CCDC186: variants seen among roughly 807,000 people sequenced by gnomAD.
The protein encoded by CCDC186 is coiled-coil domain-containing protein 186.
CCDC186 carries 49 observed loss-of-function variants against 113.7 expected under a neutral mutation model. The observed-to-expected ratio is 0.43, with a 90% CI of 0.34 to 0.55. CCDC186 has a LOEUF of 0.55. Ranked by LOEUF, CCDC186 falls within the 20% of genes least tolerant of loss-of-function variation. The probability of loss-of-function intolerance (pLI) is 0.02; values close to 1 mark genes in which losing one functional copy is unlikely to be tolerated. For missense variants in CCDC186, 890 were observed against 1,011.1 expected, an observed-to-expected ratio of 0.88 and a Z score of 1.62; for synonymous variants, 355 against 345.8, an observed-to-expected ratio of 1.03 and a Z score of -0.30.
intron 6 of CCDC186, among the ~76,000 whole-genome samples, chr10:114,139,434 A>G (rs1388663873): frequency 2.0e-5 from 3 of 151,946 alleles, no homozygotes; most frequent in Admixed American, 6.6e-5. Flanking sequence ...GTGGTGGTGC[A>G]TGCCTCTAAT....
chr10:114,164,112 A>ATT lies in CCDC186; in HGVS notation c.-61-784_-61-783insAA, dbSNP rs1383372775. On this transcript the variant is annotated intron_variant, in intron 1 of 15. Transcript: ENST00000369287. ...TGTGTGTGTGTGTGTGTATATATAT[A>ATT]TATTTTTTTTTTTTTTTTTTTTTTT... Among the ~76,000 whole-genome samples the ATT allele has an allele frequency of 4.1e-3, 423 of 103,358 alleles. 20 individuals are homozygous for ATT. Among genetic ancestry groups the ATT allele is most frequent in the African/African-American group, 0.011 (264 of 25,074 alleles). The allele number at this position is 103,358 out of a possible 152,430, so 67.8% of individuals were successfully genotyped here.
At chr10:114,144,886 C>T (rs181967947) in intron 5 of CCDC186, among the ~76,000 whole-genome samples, 5 of 152,180 alleles carry the variant, frequency 3.3e-5, no homozygotes, top group East Asian at 3.9e-4. Flanking sequence ...TCTTAACTGG[C>T]TGGCATTAAG....
At chr10:114,136,015 T>C (rs764098213) in intron 8 of CCDC186, 38 bp from the exon 9 acceptor site, 10 of 1,562,494 alleles carry the variant, frequency 6.4e-6, no homozygotes, top group Admixed American at 1.7e-5. Flanking sequence ...AATCATAATG[T>C]GCTAAACTAT....
intron 1 of CCDC186, among the ~76,000 whole-genome samples, chr10:114,170,674 A>G: frequency 6.6e-6 from 1 of 152,170 alleles, no homozygotes. Context: ...TTAGAATAAA[A>G]AAGTTTCCTT....
chr10:114,159,931 C>G (rs888086281), intron 2 of CCDC186, among the ~76,000 whole-genome samples: 1 of 152,072 alleles, frequency 6.6e-6, no homozygotes, highest in East Asian at 1.9e-4. Flanking sequence ...CCACTACACT[C>G]CAGCTTGGGC....
chr10:114,131,423 T>G lies in CCDC186; in HGVS notation c.1912-87A>C, dbSNP rs115582124. ...TTTATATAACCTTAACAATCTAAGG[T>G]TCTTGACAGTGGAGATTCTTCTATT... On this transcript the variant is annotated intron_variant, in intron 11 of 15. Coordinates refer to ENST00000369287, the MANE Select transcript of CCDC186 (RefSeq NM_018017.4). 5.6e-4 allele frequency: 632 copies of G among 1,131,806 alleles called. 1 individual carries two copies. In the African/African-American group the frequency reaches 9.0e-3, roughly 16 times the overall value. The allele number at this position is 1,131,806 out of a possible 1,614,324, so 70.1% of individuals were successfully genotyped here. A position where few individuals can be genotyped will look rare whatever the true frequency, so the allele number is the denominator to read the frequency against.
chr10:114,129,200 GC>G (rs2031006756), intron 13 of CCDC186, among the ~76,000 whole-genome samples: 1 of 152,040 alleles, frequency 6.6e-6, no homozygotes, highest in Admixed American at 6.6e-5. Flanking sequence ...GGTGGCAAGT[GC>G]CTATAGTTCC....
In CCDC186 at chr10:114,126,020, G is replaced by A. The variant is rs146536805; in HGVS notation, c.2479C>T (p.Arg827Trp). Residue 827 changes from arginine to tryptophan, a missense_variant, in exon 15 of 16, where the codon CGG becomes TGG. By Grantham distance (101) the Arg-to-Trp change is moderately radical. Coordinates refer to ENST00000369287, the MANE Select transcript of CCDC186 (RefSeq NM_018017.4). ...SDFNKVHLSRRGGIMASLYTS... is the reference protein window; with the variant it reads ...SDFNKVHLSRWGGIMASLYTS... ...TATAAAGATGCCATGATGCCACCCC[G>A]TCTACTTAAATGAACTTTGTTAAAA... 508 of 1,613,844 alleles carry A rather than the reference G, an allele frequency of 3.1e-4. 1 individual carries two copies. The East Asian group carries it at 6.2e-3, about 20-fold the overall frequency.
In CCDC186 at chr10:114,130,022, T is replaced by C. The variant is rs559314429; in HGVS notation, c.2102-51A>G. ...CACAATTATCAGGACCATTTGCTCCTACCATCTCTGACTTTAATTGCTAAA... is the reference window on the plus strand; with the variant it reads ...CACAATTATCAGGACCATTTGCTCCCACCATCTCTGACTTTAATTGCTAAA... On this transcript the variant is annotated intron_variant, in intron 12 of 15. Transcript: ENST00000369287. 14 of 1,545,820 alleles carry C rather than the reference T, an allele frequency of 9.1e-6. No individual in the cohort carries two copies. In the East Asian group the frequency reaches 3.0e-4, roughly 33 times the overall value.
At chr10:114,159,712 T>C (rs547840385) in intron 2 of CCDC186, among the ~76,000 whole-genome samples, 2 of 151,460 alleles carry the variant, frequency 1.3e-5, no homozygotes, top group African/African-American at 4.9e-5. Flanking sequence ...CCTGGCACTT[T>C]GGGAGGCCAG....
Position 114,127,538 on chromosome 10 carries a change from A to G in CCDC186, c.2316T>C (p.His772=), listed in dbSNP as rs201662734. The change falls in exon 14 of 16, where the codon CAT becomes CAC. Residue 772 remains histidine, a synonymous_variant. Coordinates refer to ENST00000369287, the MANE Select transcript of CCDC186 (RefSeq NM_018017.4). ...ATTCTATCTTTTCATTTTTCCGGGC[A>G]TGTGCTTTTTGCAGCCTAACTATTC... The part of the protein sequence containing the change: ...IERIVRLQKA[H]ARKNEKIEFM... 2.5e-6 allele frequency: 4 copies of G among 1,613,962 alleles called. No homozygotes were observed. The Admixed American group carries it at 5.0e-5, about 20-fold the overall frequency.
intron 4 of CCDC186, among the ~76,000 whole-genome samples, chr10:114,149,227 T>C (rs181077414): frequency 2.0e-5 from 3 of 152,050 alleles, no homozygotes; most frequent in Admixed American, 1.3e-4. Flanking sequence ...AGTCAGTACA[T>C]CAGCTACTAT....
At position 114,122,404 on chromosome 10, in the gene CCDC186, A is replaced by G. The variant is rs2030755001; in HGVS notation, c.*2739T>C. 1 of 152,224 alleles carries G rather than the reference A, an allele frequency of 6.6e-6. No individual in the cohort carries two copies. Among genetic ancestry groups the G allele is most frequent in the South Asian group, 2.1e-4 (1 of 4,830 alleles). The allele number at this position is 152,224 out of a possible 1,614,324, so 9.4% of individuals were successfully genotyped here. A position where few individuals can be genotyped will look rare whatever the true frequency, so the allele number is the denominator to read the frequency against. ...CAGTCCTTAAAACTAAACAGGCTAA[A>G]GTCTGAAGTGGTATGGGGAAAATGG... On this transcript the variant is annotated 3_prime_UTR_variant, in exon 16 of 16. Coordinates refer to ENST00000369287, the MANE Select transcript of CCDC186 (RefSeq NM_018017.4).
chr10:114,137,371 C>T, intron 6 of CCDC186, 81 bp from the exon 7 acceptor site: 2 of 888,558 alleles, frequency 2.3e-6, no homozygotes, highest in Non-Finnish European at 3.7e-6. Flanking sequence ...TAGGAAGGTT[C>T]TTGTCCTAGC....
chr10:114,136,796 A>G (rs547322895), intron 7 of CCDC186, among the ~76,000 whole-genome samples: 5 of 152,348 alleles, frequency 3.3e-5, no homozygotes, highest in South Asian at 2.1e-4. Context: ...ATGCAGATGT[A>G]GAATATTGCA....
At chr10:114,132,425 AC>A (rs1412634245) in intron 10 of CCDC186, among the ~76,000 whole-genome samples, 3 of 152,228 alleles carry the variant, frequency 2.0e-5, no homozygotes, top group Non-Finnish European at 4.4e-5. Context: ...GTGTAAAAAA[AC>A]ATTTTTTATG....
rs1190928038 is a variant in CCDC186 at position 114,124,462 on chromosome 10, A to C, written c.*681T>G. On this transcript the variant is annotated 3_prime_UTR_variant, in exon 16 of 16. Coordinates refer to ENST00000369287, the MANE Select transcript of CCDC186 (RefSeq NM_018017.4). ...AATATGTAATTTAAAATCATATTTT[A>C]AGTAACTAAAAACTTTAAAAATTCA... 6.6e-6 allele frequency: 1 copy of C among 152,206 alleles called. No homozygotes were observed. The highest frequency in any genetic ancestry group is 1.9e-4 in the East Asian group (1 of 5,202). The allele number at this position is 152,206 out of a possible 1,614,324, so 9.4% of individuals were successfully genotyped here. A position where few individuals can be genotyped will look rare whatever the true frequency, so the allele number is the denominator to read the frequency against.
chr10:114,165,612 C>T (rs1310528793), intron 1 of CCDC186, among the ~76,000 whole-genome samples: 1 of 152,126 alleles, frequency 6.6e-6, no homozygotes, highest in Non-Finnish European at 1.5e-5. Context: ...ACTGCTTGAA[C>T]CCGGAAGGCA....
chr10:114,173,879 GCTCGACCTCGACCTCCACCTCGCA>G, intron 1 of CCDC186, 112 bp downstream of exon 1: 2 of 360,390 alleles, frequency 5.5e-6, no homozygotes, highest in Non-Finnish European at 1.1e-5. Context: ...CGGGGAGCCC[GCTCGACCTCGACCTCCACCTCGCA>G]CTCGCCCTCG....
Sources: gnomAD v4.1 joint callset for allele counts (sites outside exome capture counted in the v4.1 genomes callset) on GRCh38, gnomAD v4.1.1 for gene constraint, MANE v1.5 for transcripts, NCBI Gene and HGNC (gene_info 2026-07-23, HGNC 2026-07-21) for gene names.